Variants in HPSE2 observed in about 807,000 individuals in gnomAD.
HPSE2 encodes inactive heparanase-2.
In HPSE2, 38 loss-of-function variants were observed where a neutral mutation model predicts 60.5. The observed-to-expected ratio is 0.63, with a 90% CI of 0.48 to 0.82. The LOEUF (loss-of-function observed/expected upper bound fraction) is 0.82, where lower values mean the gene tolerates loss of function less well. HPSE2 is among the 40% of genes least tolerant of loss of function. HPSE2 has a pLI of 0.00. For synonymous variants in HPSE2, 295 were observed against 293.2 expected (o/e 1.01, Z -0.06); for missense variants, 713 against 740.4 (o/e 0.96, Z 0.43).
intron 9 of HPSE2, among the ~76,000 whole-genome samples, chr10:98,546,952 T>G (rs1943699763): frequency 6.7e-6 from 1 of 148,750 alleles, no homozygotes; most frequent in South Asian, 2.1e-4. Context: ...TCAAACAAAT[T>G]TACAAGAAAA....
intron 3 of HPSE2, among the ~76,000 whole-genome samples, chr10:98,948,052 C>T (rs1457725738): frequency 3.3e-5 from 5 of 152,014 alleles, no homozygotes; most frequent in South Asian, 2.1e-4. Context: ...GGTCATTACA[C>T]GTAATACTAC....
chr10:99,281,576 T>C, the HPSE2 span, among the ~76,000 whole-genome samples: 1 of 152,096 alleles, frequency 6.6e-6, no homozygotes, highest in Non-Finnish European at 1.5e-5. Context: ...TGAATTATTA[T>C]CTATTTTCTG....
chr10:98,905,734 G>A (rs1953797490), intron 3 of HPSE2, among the ~76,000 whole-genome samples: 1 of 152,122 alleles, frequency 6.6e-6, no homozygotes, highest in African/African-American at 2.4e-5. Context: ...GCCCTGGATT[G>A]AAAATTCCTT....
At chr10:98,622,688 T>C (rs539015467) in intron 7 of HPSE2, among the ~76,000 whole-genome samples, 1 of 152,298 alleles carries the variant, frequency 6.6e-6, no homozygotes, top group African/African-American at 2.4e-5. Context: ...AAAGTGAGTA[T>C]TATGATCATA....
chr10:99,290,800 C>T, the HPSE2 span, among the ~76,000 whole-genome samples: 3 of 152,164 alleles, frequency 2.0e-5, no homozygotes, highest in African/African-American at 7.2e-5. Flanking sequence ...TCAACTTTAA[C>T]ATTCTATGAC....
intron 2 of HPSE2, among the ~76,000 whole-genome samples, chr10:99,184,862 A>AGAGAGAGAGAGG (rs1847943575): frequency 3.1e-5 from 4 of 130,404 alleles, no homozygotes; most frequent in African/African-American, 1.1e-4. Flanking sequence ...AGAGAGAGAG[A>AGAGAGAGAGAGG]GACAGAAACA....
the HPSE2 span, among the ~76,000 whole-genome samples, chr10:99,280,029 G>A: frequency 1.3e-5 from 2 of 152,218 alleles, no homozygotes; most frequent in African/African-American, 4.8e-5. Flanking sequence ...CACAGAGCCT[G>A]TGACTATAAG....
At chr10:98,996,278 T>C (rs1956640253) in intron 3 of HPSE2, among the ~76,000 whole-genome samples, 1 of 152,126 alleles carries the variant, frequency 6.6e-6, no homozygotes. Flanking sequence ...CCAAAATTGT[T>C]TGAAAATTAA....
the HPSE2 span, among the ~76,000 whole-genome samples, chr10:99,277,155 TC>T: frequency 6.6e-6 from 1 of 152,158 alleles, no homozygotes; most frequent in Non-Finnish European, 1.5e-5. Context: ...AATCAAGATA[TC>T]CCGTGGGGAT....
intron 5 of HPSE2, among the ~76,000 whole-genome samples, chr10:98,720,471 C>T (rs998491502): frequency 2.0e-5 from 3 of 152,002 alleles, no homozygotes; most frequent in East Asian, 1.9e-4. Flanking sequence ...AAATTGACAA[C>T]ATTTATTGCT....
chr10:99,134,426 C>T (rs1845564424), intron 3 of HPSE2, among the ~76,000 whole-genome samples: 2 of 152,140 alleles, frequency 1.3e-5, no homozygotes, highest in Admixed American at 1.3e-4. Context: ...TCGTCAGATT[C>T]ACCAAGGTTG....
the HPSE2 span, among the ~76,000 whole-genome samples, chr10:99,267,591 G>A: frequency 6.6e-6 from 1 of 152,038 alleles, no homozygotes; most frequent in Non-Finnish European, 1.5e-5. Context: ...AGACCAGCCT[G>A]GCCAATATGG....
chr10:98,762,957 G>C (rs1950039146), intron 3 of HPSE2, among the ~76,000 whole-genome samples: 1 of 152,064 alleles, frequency 6.6e-6, no homozygotes, highest in African/African-American at 2.4e-5. Context: ...ATGATGTAGT[G>C]ATGAACATGT....
chr10:98,661,903 GTTTA>G (rs1947233871), intron 6 of HPSE2, among the ~76,000 whole-genome samples: 1 of 152,062 alleles, frequency 6.6e-6, no homozygotes, highest in South Asian at 2.1e-4. Context: ...TCTTCTTTTT[GTTTA>G]TTTGTTTTAT....
chr10:99,280,620 C>T, the HPSE2 span, among the ~76,000 whole-genome samples: 1 of 152,194 alleles, frequency 6.6e-6, no homozygotes, highest in African/African-American at 2.4e-5. Context: ...GCACCTCTGA[C>T]CAAATTCGGG....
chr10:98,760,742 C>CT lies in HPSE2; in HGVS notation c.611-16687dup, dbSNP rs1402112190. On this transcript the variant is annotated intron_variant, in intron 3 of 11. Coordinates refer to ENST00000370552, the MANE Select transcript of HPSE2 (RefSeq NM_021828.5). ...TTTGCATTTTTGTCCATCAGTGATACTTTCCTATAATTTTCTTTTCTTGTA... is the reference window on the plus strand; with the variant it reads ...TTTGCATTTTTGTCCATCAGTGATACTTTTCCTATAATTTTCTTTTCTTGTA... 5.3e-5 allele frequency among the ~76,000 whole-genome samples: 8 copies of CT among 152,076 alleles called. No individual in the cohort carries two copies. The East Asian group carries it at 1.5e-3, about 29-fold the overall frequency.
chr10:99,105,648 T>C (rs1256915635), intron 3 of HPSE2, among the ~76,000 whole-genome samples: 1 of 152,032 alleles, frequency 6.6e-6, no homozygotes, highest in East Asian at 1.9e-4. Flanking sequence ...AAATTTATCA[T>C]TTTTCTCATG....
At chr10:98,922,683 T>C (rs1041056752) in intron 3 of HPSE2, among the ~76,000 whole-genome samples, 1 of 152,156 alleles carries the variant, frequency 6.6e-6, no homozygotes, top group Non-Finnish European at 1.5e-5. Flanking sequence ...CATAAATACA[T>C]GGTATAATAT....
intron 3 of HPSE2, among the ~76,000 whole-genome samples, chr10:99,023,034 C>G (rs1221403371): frequency 6.6e-6 from 1 of 152,132 alleles, no homozygotes; most frequent in Non-Finnish European, 1.5e-5. Context: ...GGATAGAGCA[C>G]TAAGTGGGCT....
Sources: allele counts gnomAD v4.1 joint callset (sites outside exome capture counted in the v4.1 genomes callset), GRCh38; gene constraint gnomAD v4.1.1; transcripts MANE v1.5; gene names NCBI Gene and HGNC (gene_info 2026-07-23, HGNC 2026-07-21).